The following TRHDE variants were observed in gnomAD, a reference collection of about 807,000 sequenced individuals.
TRHDE encodes thyrotropin-releasing hormone-degrading ectoenzyme.
In TRHDE, 72 loss-of-function variants were observed where a neutral mutation model predicts 125.7. The ratio of observed to expected loss-of-function variants is 0.57; its 90% CI spans 0.47 to 0.70. TRHDE has a LOEUF of 0.70. Among genes scored for constraint, TRHDE ranks in the 30% least tolerant of loss-of-function variants. The pLI, the probability that TRHDE is intolerant of heterozygous loss-of-function variation, is 0.00. For missense variants in TRHDE, 1,110 were observed against 1,327.1 expected, an observed-to-expected ratio of 0.84 and a Z score of 2.54; for synonymous variants, 509 against 509.1, an observed-to-expected ratio of 1.00 and a Z score of 0.00.
chr12:72,225,977 G>A lies in TRHDE; in HGVS notation n.279+120225G>A, dbSNP rs199540376. 3.9e-5 allele frequency among the ~76,000 whole-genome samples: 6 copies of A among 152,328 alleles called. No individual in the cohort carries two copies. In the East Asian group the frequency reaches 1.2e-3, roughly 29 times the overall value. ...TAAGAGGTGTCATGACTCCGCAGATGATATTTGTCTAGGTGTCAGCAAGGA... is the reference window on the plus strand; with the variant it reads ...TAAGAGGTGTCATGACTCCGCAGATAATATTTGTCTAGGTGTCAGCAAGGA... On this transcript the variant is annotated intron_variant and non_coding_transcript_variant, in intron 2 of 4. Transcript: ENST00000548156.
At chr12:72,101,462 C>T (rs1592440583) in intron 1 of TRHDE, among the ~76,000 whole-genome samples, 1 of 152,266 alleles carries the variant, frequency 6.6e-6, no homozygotes, top group Non-Finnish European at 1.5e-5. Flanking sequence ...AGTATCAACT[C>T]TAAGAACAAG....
chr12:72,287,452 C>T (rs1321593103), intron 2 of TRHDE, among the ~76,000 whole-genome samples: 1 of 152,082 alleles, frequency 6.6e-6, no homozygotes, highest in African/African-American at 2.4e-5. Context: ...GGAGTTGAAG[C>T]TCTCTGTGTA....
chr12:72,505,730 A>C (rs953964487), intron 6 of TRHDE, among the ~76,000 whole-genome samples: 7 of 152,210 alleles, frequency 4.6e-5, no homozygotes, highest in African/African-American at 1.4e-4. Context: ...TTGTGGTAGA[A>C]ATTTAACTTG....
chr12:72,630,109 G>GT (rs1873431794), intron 15 of TRHDE, among the ~76,000 whole-genome samples: 1 of 151,384 alleles, frequency 6.6e-6, no homozygotes, highest in Non-Finnish European at 1.5e-5. Flanking sequence ...ATTCTTGGCA[G>GT]TAACAGCAAA....
chr12:72,568,037 G>A (rs891509446), intron 9 of TRHDE, among the ~76,000 whole-genome samples: 44 of 152,036 alleles, frequency 2.9e-4, no homozygotes, highest in African/African-American at 9.9e-4. Context: ...GATCTGGATT[G>A]TATGGGAATC....
chr12:72,217,670 T>G (rs1301966478), intron 2 of TRHDE, among the ~76,000 whole-genome samples: 3 of 152,142 alleles, frequency 2.0e-5, no homozygotes, highest in African/African-American at 7.2e-5. Flanking sequence ...AGCAGCAAGA[T>G]CTCTGCAGAT....
intron 2 of TRHDE, among the ~76,000 whole-genome samples, chr12:72,176,614 C>T (rs762676779): frequency 6.6e-6 from 1 of 152,036 alleles, no homozygotes; most frequent in Non-Finnish European, 1.5e-5. Context: ...TTCTAAGAAA[C>T]TGTTATTAAA....
chr12:72,279,703 A>T (rs1215206436), intron 1 of TRHDE, among the ~76,000 whole-genome samples: 1 of 152,054 alleles, frequency 6.6e-6, no homozygotes, highest in Non-Finnish European at 1.5e-5. Flanking sequence ...TGTTGCATGG[A>T]GCTGAATAAG....
intron 2 of TRHDE, among the ~76,000 whole-genome samples, chr12:72,171,142 TCA>T (rs1175961334): frequency 6.6e-6 from 1 of 152,178 alleles, no homozygotes; most frequent in Admixed American, 6.5e-5. Context: ...TGCTCTTCTC[TCA>T]GTTTCCTTTC....
upstream of TRHDE, among the ~76,000 whole-genome samples, chr12:72,269,212 G>A (rs1879137122): frequency 6.6e-6 from 1 of 152,022 alleles, no homozygotes. Flanking sequence ...TTGGGAAAGC[G>A]TGCTATATAT....
intron 1 of TRHDE, among the ~76,000 whole-genome samples, chr12:72,092,384 G>A (rs1312823894): frequency 1.3e-5 from 2 of 152,164 alleles, no homozygotes; most frequent in Non-Finnish European, 2.9e-5. Flanking sequence ...AAATTTATTG[G>A]CCCATGTAAC....
At chr12:72,638,127 G>A (rs1873850752) in intron 15 of TRHDE, among the ~76,000 whole-genome samples, 1 of 146,808 alleles carries the variant, frequency 6.8e-6, no homozygotes, top group African/African-American at 2.5e-5. Flanking sequence ...CATTATTAAT[G>A]TGTGGGAGTC....
intron 2 of TRHDE, among the ~76,000 whole-genome samples, chr12:72,168,598 A>C (rs1353333459): frequency 2.6e-5 from 4 of 152,220 alleles, no homozygotes; most frequent in Admixed American, 1.3e-4. Context: ...AATTTTGTTA[A>C]GTACATAGAT....
At chr12:72,364,127 C>A (rs1405467059) in intron 2 of TRHDE, among the ~76,000 whole-genome samples, 1 of 151,994 alleles carries the variant, frequency 6.6e-6, no homozygotes, top group Non-Finnish European at 1.5e-5. Context: ...AAAGAGGATA[C>A]AAACAAATGG....
chr12:72,660,781 G>A (rs976228163), intron 18 of TRHDE, among the ~76,000 whole-genome samples: 11 of 151,754 alleles, frequency 7.2e-5, no homozygotes, highest in Admixed American at 4.6e-4. Context: ...CTCTTGCCTC[G>A]GCACCCGGGT....
intron 3 of TRHDE, among the ~76,000 whole-genome samples, chr12:72,380,718 C>G (rs954731345): frequency 3.4e-5 from 4 of 119,294 alleles, no homozygotes; most frequent in South Asian, 2.5e-4. Context: ...TTCCTTCCTT[C>G]CTTCCTTCCT....
At chr12:72,621,388 G>A in intron 14 of TRHDE, 183 bp downstream of exon 14, 1 of 589,760 alleles carries the variant, frequency 1.7e-6, no homozygotes, top group Non-Finnish European at 3.0e-6. Context: ...TGAGAACAAA[G>A]ACGTTTCCTT....
chr12:72,182,888 G>A (rs1247579956), intron 2 of TRHDE, among the ~76,000 whole-genome samples: 1 of 152,136 alleles, frequency 6.6e-6, no homozygotes, highest in Non-Finnish European at 1.5e-5. Flanking sequence ...TGGGGCTGGC[G>A]AGAGGCTTAT....
intron 5 of TRHDE, among the ~76,000 whole-genome samples, chr12:72,475,483 C>G (rs932754725): frequency 3.3e-5 from 5 of 152,082 alleles, no homozygotes; most frequent in Non-Finnish European, 1.5e-5. Context: ...AAAGTGACAG[C>G]TTTTGATTGT....
Sources: gnomAD v4.1 joint callset for allele counts (sites outside exome capture counted in the v4.1 genomes callset) on GRCh38, gnomAD v4.1.1 for gene constraint, MANE v1.5 for transcripts, NCBI Gene and HGNC (gene_info 2026-07-23, HGNC 2026-07-21) for gene names.